Variants in CFAP299 observed in about 807,000 individuals in gnomAD.
CFAP299 encodes cilia and flagella associated protein 299, also known as cilia- and flagella-associated protein 299.
CFAP299 carries 21 observed loss-of-function variants against 27.0 expected under a neutral mutation model. The observed-to-expected ratio is 0.78, with a 90% CI of 0.55 to 1.12. CFAP299 has a LOEUF of 1.12. Among genes scored for constraint, CFAP299 ranks in the 50% most tolerant of loss-of-function variants. The pLI, the probability that CFAP299 is intolerant of heterozygous loss-of-function variation, is 0.00. For missense variants in CFAP299, 310 were observed against 276.6 expected (o/e 1.12, Z -0.86); for synonymous variants, 104 against 98.1 (o/e 1.06, Z -0.36).
chr4:80,346,495 CCAGA>C (rs778856884), intron 1 of CFAP299, among the ~76,000 whole-genome samples: 28 of 152,152 alleles, frequency 1.8e-4, no homozygotes, highest in Non-Finnish European at 4.1e-4. Flanking sequence ...CTACATATGG[CCAGA>C]CAGTTTTCCC....
intron 3 of CFAP299, among the ~76,000 whole-genome samples, chr4:80,662,534 A>G (rs1740908331): frequency 6.6e-6 from 1 of 152,178 alleles, no homozygotes; most frequent in African/African-American, 2.4e-5. Context: ...AATGATCTGA[A>G]TACAGCAGTG....
At chr4:80,536,802 G>C (rs1733759317) in intron 2 of CFAP299, among the ~76,000 whole-genome samples, 1 of 152,040 alleles carries the variant, frequency 6.6e-6, no homozygotes, top group Non-Finnish European at 1.5e-5. Flanking sequence ...ATTGGTCTGG[G>C]CAATGAATTT....
chr4:80,368,846 A>T (rs1476626617), intron 2 of CFAP299, among the ~76,000 whole-genome samples: 1 of 152,238 alleles, frequency 6.6e-6, no homozygotes, highest in Non-Finnish European at 1.5e-5. Flanking sequence ...AGTTATTCTC[A>T]TGGTTTGTTG....
At chr4:80,703,497 T>C (rs964796114) in intron 3 of CFAP299, among the ~76,000 whole-genome samples, 1 of 151,642 alleles carries the variant, frequency 6.6e-6, no homozygotes, top group African/African-American at 2.4e-5. Context: ...AGCCAAAGAC[T>C]AGGAGTTGGG....
chr4:80,387,218 A>G (rs1725061880), intron 2 of CFAP299: 3 of 1,439,640 alleles, frequency 2.1e-6, no homozygotes, highest in South Asian at 1.1e-5. Flanking sequence ...CAGGTCGTAC[A>G]TCGGGGGTAA....
At chr4:80,479,438 A>G (rs931836249) in intron 2 of CFAP299, among the ~76,000 whole-genome samples, 2 of 152,018 alleles carry the variant, frequency 1.3e-5, no homozygotes, top group African/African-American at 2.4e-5. Flanking sequence ...TTGGGAAATG[A>G]TGGTTAAAGA....
At chr4:80,365,327 G>A (rs2110002007) in intron 2 of CFAP299, among the ~76,000 whole-genome samples, 1 of 152,170 alleles carries the variant, frequency 6.6e-6, no homozygotes, top group East Asian at 1.9e-4. Flanking sequence ...GTTTTGATTT[G>A]CCTTTCTCTA....
chr4:80,926,023 T>C (rs1031468603), intron 4 of CFAP299, among the ~76,000 whole-genome samples: 3 of 152,082 alleles, frequency 2.0e-5, no homozygotes. Flanking sequence ...CTTGTGGTTG[T>C]AGTTTCCCAT....
chr4:80,888,108 C>T (rs963442133), intron 4 of CFAP299, among the ~76,000 whole-genome samples: 3 of 151,916 alleles, frequency 2.0e-5, no homozygotes, highest in Admixed American at 1.3e-4. Context: ...AAACAAATAA[C>T]AAAATGGCAA....
At chr4:80,626,514 A>G (rs538611982) in intron 3 of CFAP299, among the ~76,000 whole-genome samples, 2 of 151,990 alleles carry the variant, frequency 1.3e-5, no homozygotes, top group South Asian at 4.1e-4. Flanking sequence ...AGTTAGTAAA[A>G]GGAAGGAAAT....
intron 3 of CFAP299, among the ~76,000 whole-genome samples, chr4:80,590,401 G>A (rs370701215): frequency 2.0e-5 from 3 of 152,292 alleles, no homozygotes; most frequent in South Asian, 4.1e-4. Context: ...CACTTTGGAA[G>A]GCCGAGATGG....
chr4:80,537,361 C>A (rs963434489), intron 2 of CFAP299, among the ~76,000 whole-genome samples: 1 of 152,062 alleles, frequency 6.6e-6, no homozygotes, highest in Non-Finnish European at 1.5e-5. Flanking sequence ...GAAATGATAT[C>A]AATGTCAAAG....
At chr4:80,369,150 C>A (rs1724004671) in intron 2 of CFAP299, among the ~76,000 whole-genome samples, 1 of 152,196 alleles carries the variant, frequency 6.6e-6, no homozygotes, top group African/African-American at 2.4e-5. Flanking sequence ...TGAGGCCAAT[C>A]TTGAAAGGGT....
At chr4:80,937,510 G>T (rs1232113692) in intron 4 of CFAP299, among the ~76,000 whole-genome samples, 1 of 151,056 alleles carries the variant, frequency 6.6e-6, no homozygotes, top group African/African-American at 2.4e-5. Context: ...GTAGAGACAT[G>T]GTTTCACCAT....
intron 2 of CFAP299, 35 bp from the exon 3 acceptor site, chr4:80,583,058 C>T: frequency 7.3e-7 from 1 of 1,375,652 alleles, no homozygotes; most frequent in Non-Finnish European, 1.0e-6. Flanking sequence ...TATTTGTTAT[C>T]TAATATATTA....
intron 4 of CFAP299, among the ~76,000 whole-genome samples, chr4:80,921,276 G>A (rs1221879596): frequency 6.6e-6 from 1 of 152,060 alleles, no homozygotes; most frequent in Non-Finnish European, 1.5e-5. Flanking sequence ...GAGAAAGCCA[G>A]ACTTAGACAA....
At chr4:80,593,806 T>G (rs1736911200) in intron 3 of CFAP299, among the ~76,000 whole-genome samples, 1 of 152,222 alleles carries the variant, frequency 6.6e-6, no homozygotes, top group African/African-American at 2.4e-5. Context: ...GAGACTTTTC[T>G]TCTCTTCTAA....
chr4:80,927,726 C>A (rs955572347), intron 4 of CFAP299, among the ~76,000 whole-genome samples: 1 of 152,126 alleles, frequency 6.6e-6, no homozygotes, highest in Non-Finnish European at 1.5e-5. Flanking sequence ...GTCTTAAATC[C>A]TTCTCATGCT....
chr4:80,362,998 G>A (rs1336279847), intron 2 of CFAP299, 114 bp downstream of exon 2: 2 of 1,188,634 alleles, frequency 1.7e-6, no homozygotes, highest in Admixed American at 2.9e-5. Flanking sequence ...GGTAAAACTT[G>A]GAATATCCTA....
Sources: allele counts gnomAD v4.1 joint callset (sites outside exome capture counted in the v4.1 genomes callset), GRCh38; gene constraint gnomAD v4.1.1; transcripts MANE v1.5; gene names NCBI Gene and HGNC (gene_info 2026-07-23, HGNC 2026-07-21).